Variants in KHDRBS2 observed in about 807,000 individuals in gnomAD.
KHDRBS2 encodes KH domain-containing, RNA-binding, signal transduction-associated protein 2.
KHDRBS2 carries 26 observed loss-of-function variants against 44.3 expected under a neutral mutation model. That is an observed-to-expected ratio of 0.59 (90% CI 0.43 to 0.81). KHDRBS2 has a LOEUF of 0.81. Ranked by LOEUF, KHDRBS2 falls within the 40% of genes least tolerant of loss-of-function variation. The pLI is 0.00. For missense variants in KHDRBS2, 476 were observed against 433.1 expected, an observed-to-expected ratio of 1.10 and a Z score of -0.88; for synonymous variants, 194 against 151.1, an observed-to-expected ratio of 1.28 and a Z score of -2.08.
At chr6:61,589,140 T>C in the KHDRBS2 span, among the ~76,000 whole-genome samples, 3 of 152,096 alleles carry the variant, frequency 2.0e-5, no homozygotes, top group Non-Finnish European at 2.9e-5. Flanking sequence ...ACATAAAATA[T>C]AGATGATAGG....
chr6:62,180,585 G>C (rs1346233349), intron 1 of KHDRBS2, among the ~76,000 whole-genome samples: 1 of 151,752 alleles, frequency 6.6e-6, no homozygotes, highest in Non-Finnish European at 1.5e-5. Flanking sequence ...TTATAGATTG[G>C]AAGAATTAAT....
intron 3 of KHDRBS2, among the ~76,000 whole-genome samples, chr6:62,022,490 G>GAT (rs1782533767): frequency 6.6e-6 from 1 of 151,588 alleles, no homozygotes. Context: ...CATCTTACTA[G>GAT]GTGAAGAAAT....
chr6:61,743,587 A>G (rs947995336), intron 6 of KHDRBS2, among the ~76,000 whole-genome samples: 1 of 152,062 alleles, frequency 6.6e-6, no homozygotes, highest in Non-Finnish European at 1.5e-5. Flanking sequence ...ATAATTTTGT[A>G]TTATATTTGT....
intron 6 of KHDRBS2, among the ~76,000 whole-genome samples, chr6:61,783,599 T>C (rs887087119): frequency 3.3e-5 from 5 of 152,178 alleles, no homozygotes; most frequent in African/African-American, 9.6e-5. Flanking sequence ...AATGGTTTTA[T>C]ACAGTGAATT....
At chr6:62,054,558 G>A (rs536257058) in intron 2 of KHDRBS2, among the ~76,000 whole-genome samples, 1 of 152,188 alleles carries the variant, frequency 6.6e-6, no homozygotes, top group South Asian at 2.1e-4. Flanking sequence ...TTACCCAGCT[G>A]TGCCTAATGT....
At chr6:62,041,581 G>T (rs1345989489) in intron 3 of KHDRBS2, among the ~76,000 whole-genome samples, 1 of 152,052 alleles carries the variant, frequency 6.6e-6, no homozygotes, top group Admixed American at 6.6e-5. Context: ...TAAGGGTACA[G>T]TACAAATAAT....
chr6:61,828,960 T>A (rs1442280214), intron 6 of KHDRBS2, among the ~76,000 whole-genome samples: 1 of 152,260 alleles, frequency 6.6e-6, no homozygotes, highest in Admixed American at 6.5e-5. Flanking sequence ...TTAGGATTAT[T>A]AATTTACTCT....
At chr6:62,267,775 A>G (rs545103105) in intron 1 of KHDRBS2, among the ~76,000 whole-genome samples, 1 of 152,106 alleles carries the variant, frequency 6.6e-6, no homozygotes, top group African/African-American at 2.4e-5. Flanking sequence ...ATAAAAGTAT[A>G]AAAAGATGCT....
At chr6:62,277,655 T>G (rs1282755921) in intron 1 of KHDRBS2, among the ~76,000 whole-genome samples, 5 of 151,946 alleles carry the variant, frequency 3.3e-5, no homozygotes, top group Admixed American at 1.3e-4. Flanking sequence ...ATGCAGTTTT[T>G]AACAACACAC....
the KHDRBS2 span, among the ~76,000 whole-genome samples, chr6:61,669,726 T>A: frequency 6.6e-6 from 1 of 150,892 alleles, no homozygotes; most frequent in Non-Finnish European, 1.5e-5. Flanking sequence ...ATTCTATGAG[T>A]ATGTACTATT....
chr6:62,036,895 G>A (rs959148387), intron 3 of KHDRBS2, among the ~76,000 whole-genome samples: 2 of 151,908 alleles, frequency 1.3e-5, no homozygotes, highest in Non-Finnish European at 2.9e-5. Flanking sequence ...AACTTACTAT[G>A]AGTATTATGA....
intron 6 of KHDRBS2, among the ~76,000 whole-genome samples, chr6:61,882,590 TGAA>T (rs1156720966): frequency 6.6e-6 from 1 of 151,954 alleles, no homozygotes; most frequent in East Asian, 1.9e-4. Flanking sequence ...TCGTCAACAA[TGAA>T]GAGAAATAGT....
chr6:62,076,611 T>G (rs1796383253), intron 2 of KHDRBS2, among the ~76,000 whole-genome samples: 1 of 152,024 alleles, frequency 6.6e-6, no homozygotes, highest in African/African-American at 2.4e-5. Flanking sequence ...AATGCCAGAT[T>G]AAAGGGTCTT....
intron 6 of KHDRBS2, among the ~76,000 whole-genome samples, chr6:61,768,868 C>A (rs1485316361): frequency 1.3e-5 from 2 of 151,936 alleles, no homozygotes; most frequent in South Asian, 2.1e-4. Context: ...ATTTGGTGTT[C>A]CTGCATAGAG....
chr6:61,848,563 GTATATATATATACATA>G (rs1794947184), intron 6 of KHDRBS2, among the ~76,000 whole-genome samples: 1 of 22,180 alleles, frequency 4.5e-5, no homozygotes, highest in Non-Finnish European at 7.5e-5. Flanking sequence ...ATATATATAT[GTATATATATATACATA>G]TATATATATA....
chr6:62,079,928 G>C (rs974392917), intron 2 of KHDRBS2, among the ~76,000 whole-genome samples: 26 of 152,110 alleles, frequency 1.7e-4, no homozygotes, highest in African/African-American at 6.0e-4. Flanking sequence ...ATTCAAGCAT[G>C]GAGGTACTGC....
At chr6:61,660,630 A>G in the KHDRBS2 span, among the ~76,000 whole-genome samples, 1 of 151,796 alleles carries the variant, frequency 6.6e-6, no homozygotes, top group East Asian at 1.9e-4. Context: ...TTTGTTTCAG[A>G]ACAAATTAGA....
intron 3 of KHDRBS2, among the ~76,000 whole-genome samples, chr6:62,038,422 C>A (rs1785771124): frequency 6.6e-6 from 1 of 151,500 alleles, no homozygotes; most frequent in Admixed American, 6.6e-5. Context: ...TTGTGAAGAG[C>A]CCAAATAAAT....
chr6:61,597,773 T>TATATATATATATATATATACATATACAC, the KHDRBS2 span, among the ~76,000 whole-genome samples: 1 of 42,330 alleles, frequency 2.4e-5, no homozygotes, highest in African/African-American at 8.6e-5. Flanking sequence ...TATATATATA[T>TATATATATATATATATATACATATACAC]ACACCAAGAT....
Sources: gnomAD v4.1 joint callset for allele counts (sites outside exome capture counted in the v4.1 genomes callset) on GRCh38, gnomAD v4.1.1 for gene constraint, MANE v1.5 for transcripts, NCBI Gene and HGNC (gene_info 2026-07-23, HGNC 2026-07-21) for gene names.